The following SPATA16 variants were observed in gnomAD, a reference collection of about 807,000 sequenced individuals.
SPATA16 encodes spermatogenesis-associated protein 16.
In SPATA16, 36 loss-of-function variants were observed where a neutral mutation model predicts 63.3. The observed-to-expected ratio is 0.57, with a 90% CI of 0.44 to 0.75. The LOEUF is 0.75. Among genes scored for constraint, SPATA16 ranks in the 30% least tolerant of loss-of-function variants. The probability of loss-of-function intolerance (pLI) is 0.00; values close to 1 mark genes in which losing one functional copy is unlikely to be tolerated. For missense variants in SPATA16, 646 were observed against 679.3 expected (o/e 0.95, Z 0.54); for synonymous variants, 203 against 216.7 (o/e 0.94, Z 0.56).
At chr3:173,110,850 T>C (rs1386197174) in intron 2 of SPATA16, among the ~76,000 whole-genome samples, 1 of 152,232 alleles carries the variant, frequency 6.6e-6, no homozygotes, top group Non-Finnish European at 1.5e-5. Flanking sequence ...TGGCAGTCAC[T>C]TGAGAACCTA....
intron 2 of SPATA16, among the ~76,000 whole-genome samples, chr3:173,088,066 C>A (rs1247763352): frequency 8.9e-6 from 1 of 112,868 alleles, no homozygotes; most frequent in Non-Finnish European, 1.9e-5. Context: ...TTCTTTCTTT[C>A]TTTCTTTCTT....
chr3:172,918,941 A>G (rs1292574981), intron 8 of SPATA16, among the ~76,000 whole-genome samples: 2 of 152,234 alleles, frequency 1.3e-5, no homozygotes, highest in Admixed American at 6.5e-5. Context: ...GCGGAGTCCA[A>G]GTCTTTGGAA....
At chr3:173,105,384 C>G (rs537340360) in intron 2 of SPATA16, among the ~76,000 whole-genome samples, 1 of 152,276 alleles carries the variant, frequency 6.6e-6, no homozygotes, top group East Asian at 1.9e-4. Context: ...GACAGTCAAA[C>G]AGGTTATTCT....
At chr3:172,932,493 T>C (rs1426497754) in intron 6 of SPATA16, among the ~76,000 whole-genome samples, 1 of 152,204 alleles carries the variant, frequency 6.6e-6, no homozygotes, top group Non-Finnish European at 1.5e-5. Flanking sequence ...TTTCAGACTT[T>C]CGTTTCTACA....
At chr3:173,134,253 G>A (rs887642718) in intron 1 of SPATA16, among the ~76,000 whole-genome samples, 2 of 152,172 alleles carry the variant, frequency 1.3e-5, no homozygotes, top group Admixed American at 1.3e-4. Flanking sequence ...AAAAGTTCAT[G>A]TGTTGGAAGC....
At chr3:173,039,843 C>G (rs1735796927) in intron 3 of SPATA16, among the ~76,000 whole-genome samples, 1 of 152,014 alleles carries the variant, frequency 6.6e-6, no homozygotes, top group Non-Finnish European at 1.5e-5. Context: ...TTAATAATTG[C>G]AAGCTCTGTT....
At chr3:173,089,538 C>G (rs1009159597) in intron 2 of SPATA16, among the ~76,000 whole-genome samples, 12 of 152,054 alleles carry the variant, frequency 7.9e-5, no homozygotes, top group African/African-American at 2.9e-4. Context: ...CGGATAAGGG[C>G]CCATTAGCTT....
intron 8 of SPATA16, among the ~76,000 whole-genome samples, chr3:172,920,484 T>C (rs1256415844): frequency 1.3e-5 from 2 of 152,202 alleles, no homozygotes; most frequent in Non-Finnish European, 2.9e-5. Flanking sequence ...GAAGAAAATT[T>C]TACTCACTTT....
intron 10 of SPATA16, among the ~76,000 whole-genome samples, chr3:172,905,397 T>C (rs1326474826): frequency 6.6e-6 from 1 of 152,162 alleles, no homozygotes; most frequent in East Asian, 1.9e-4. Context: ...TGAATGATAG[T>C]GCCATGTGTA....
intron 1 of SPATA16, among the ~76,000 whole-genome samples, chr3:173,133,336 G>T (rs184934781): frequency 6.6e-6 from 1 of 152,306 alleles, no homozygotes; most frequent in East Asian, 1.9e-4. Context: ...TTCTGTTTCT[G>T]CCAGCAGCAA....
chr3:172,893,689 C>T (rs963889313), intron 10 of SPATA16, among the ~76,000 whole-genome samples: 16 of 152,212 alleles, frequency 1.1e-4, no homozygotes, highest in Admixed American at 3.3e-4. Flanking sequence ...ATGTTCCCTA[C>T]TTGGTTGGTG....
chr3:173,029,406 G>GTTTTTTTTTTTTTTTTTTTT (rs57233262), intron 3 of SPATA16, among the ~76,000 whole-genome samples: 1 of 139,852 alleles, frequency 7.2e-6, no homozygotes, highest in African/African-American at 2.8e-5. Context: ...AGTAATCAGA[G>GTTTTTTTTTTTTTTTTTTTT]TTTTTTTTTT....
intron 5 of SPATA16, among the ~76,000 whole-genome samples, chr3:172,961,033 T>TTTCTTTCTTTC (rs1560080196): frequency 2.1e-5 from 2 of 94,896 alleles, no homozygotes; most frequent in Non-Finnish European, 4.4e-5. Flanking sequence ...TCTTTCTCTC[T>TTTCTTTCTTTC]TTCTTTCTTT....
rs201735869 is a variant in SPATA16 at position 172,924,300 on chromosome 3, C to T, written c.1246G>A (p.Gly416Ser). Reference protein sequence around the residue: ...PIFTEHKTPFGLTREDTVRQM... With the variant: ...PIFTEHKTPFSLTREDTVRQM... The stretch of plus-strand genomic sequence containing the variant: ...CTCACTGTATCTTCTCTGGTCAGAC[C>T]GAAAGGTGTTTTATGCTCTAAAAAT... Residue 416 changes from glycine to serine, a missense_variant, in exon 8 of 11, where the codon GGT becomes AGT. Coordinates refer to ENST00000351008, the MANE Select transcript of SPATA16 (RefSeq NM_031955.6). 115 of 1,612,832 alleles carry T rather than the reference C, an allele frequency of 7.1e-5. No homozygotes were observed. The East Asian group carries it at 2.1e-3, about 29-fold the overall frequency.
Position 172,999,395 on chromosome 3 carries a change from A to ATTTCTTTCTTTC in SPATA16, c.848+20079_848+20090dup, listed in dbSNP as rs144082601. 4.3e-3 allele frequency among the ~76,000 whole-genome samples: 652 copies of ATTTCTTTCTTTC among 150,682 alleles called. 5 individuals carry two copies. The highest frequency in any genetic ancestry group is 9.0e-3 in the Admixed American group (136 of 15,114). On this transcript the variant is annotated intron_variant, in intron 4 of 10. Coordinates refer to ENST00000351008, the MANE Select transcript of SPATA16 (RefSeq NM_031955.6). ...GACCTGTAGTGATATCCCCTATTTC[A>ATTTCTTTCTTTC]TTTCTTTCTTTCTTTCTTTCTTTCT...
chr3:173,048,254 T>C (rs1354383939), intron 3 of SPATA16, among the ~76,000 whole-genome samples: 1 of 152,040 alleles, frequency 6.6e-6, no homozygotes, highest in Non-Finnish European at 1.5e-5. Flanking sequence ...AAAGCGTTTG[T>C]TGAAAGGCAT....
intron 2 of SPATA16, among the ~76,000 whole-genome samples, chr3:173,081,831 A>G (rs1432144998): frequency 6.6e-6 from 1 of 152,204 alleles, no homozygotes; most frequent in Non-Finnish European, 1.5e-5. Context: ...GGAACTGCTA[A>G]TATTCACCAT....
At chr3:173,120,113 A>G (rs553941232) in intron 1 of SPATA16, among the ~76,000 whole-genome samples, 66 of 152,170 alleles carry the variant, frequency 4.3e-4, no homozygotes, top group Admixed American at 5.2e-4. Flanking sequence ...AGAGAGAAAA[A>G]AAGAAAGAAA....
At chr3:172,981,576 T>C (rs1350933127) in intron 4 of SPATA16, among the ~76,000 whole-genome samples, 1 of 152,182 alleles carries the variant, frequency 6.6e-6, no homozygotes, top group Non-Finnish European at 1.5e-5. Flanking sequence ...AAATGCTCTT[T>C]CCCTAGACAT....
Sources: gnomAD v4.1 joint callset for allele counts (sites outside exome capture counted in the v4.1 genomes callset) on GRCh38, gnomAD v4.1.1 for gene constraint, MANE v1.5 for transcripts, NCBI Gene and HGNC (gene_info 2026-07-23, HGNC 2026-07-21) for gene names.